RASA2: variants seen among roughly 807,000 people sequenced by gnomAD.
The protein encoded by RASA2 is ras GTPase-activating protein 2.
In RASA2, 155 loss-of-function variants were observed where a neutral mutation model predicts 118.2. That is an observed-to-expected ratio of 1.31 (90% CI 1.15 to 1.50). RASA2 has a LOEUF of 1.50. Ranked by LOEUF, RASA2 falls within the 40% of genes most tolerant of loss-of-function variation. The pLI is 0.00. For missense variants in RASA2, 1,016 were observed against 1,009.6 expected (o/e 1.01, Z -0.09); for synonymous variants, 353 against 349.1 (o/e 1.01, Z -0.12).
chr3:141,606,659 A>G (rs764376829), intron 19 of RASA2, among the ~76,000 whole-genome samples: 2 of 152,106 alleles, frequency 1.3e-5, no homozygotes, highest in African/African-American at 2.4e-5. Flanking sequence ...AATTACATAA[A>G]TTTTAGATTT....
chr3:141,584,187 C>T (rs565777234), intron 17 of RASA2, among the ~76,000 whole-genome samples: 174 of 151,816 alleles, frequency 1.1e-3, no homozygotes, highest in African/African-American at 3.9e-3. Context: ...AAAAATTAGC[C>T]GGGCATGGTG....
At chr3:141,545,529 A>G (rs999533229) in intron 5 of RASA2, among the ~76,000 whole-genome samples, 3 of 140,700 alleles carry the variant, frequency 2.1e-5, no homozygotes, top group Non-Finnish European at 3.0e-5. Flanking sequence ...CAGTGACACG[A>G]CCTCCACCTC....
chr3:141,571,041 T>G lies in RASA2; in HGVS notation c.993T>G (p.Thr331=), dbSNP rs1577757902. 6.2e-7 allele frequency: 1 copy of G among 1,603,136 alleles called. No individual in the cohort carries two copies. The highest frequency in any genetic ancestry group is 8.5e-7 in the Non-Finnish European group (1 of 1,177,196). Residue 331 remains threonine, a synonymous_variant, in exon 10 of 24, where the codon ACT becomes ACG. Coordinates refer to ENST00000286364, the MANE Select transcript of RASA2 (RefSeq NM_006506.5). ...CAGAGTACTATGGTCCTTTGAAAACTTTGCTGCTAAAATCACCAGATGTTC... is the reference window on the plus strand; with the variant it reads ...CAGAGTACTATGGTCCTTTGAAAACGTTGCTGCTAAAATCACCAGATGTTC... The part of the protein sequence containing the change: ...LPSEYYGPLK[T]LLLKSPDVQP...
intron 19 of RASA2, among the ~76,000 whole-genome samples, chr3:141,593,724 T>C (rs532331793): frequency 1.3e-5 from 2 of 152,276 alleles, no homozygotes; most frequent in South Asian, 4.1e-4. Flanking sequence ...CATCAAAATC[T>C]CAAAAGAGTG....
At chr3:141,493,092 C>T (rs750315681) in intron 1 of RASA2, among the ~76,000 whole-genome samples, 2 of 152,222 alleles carry the variant, frequency 1.3e-5, no homozygotes, top group Admixed American at 6.5e-5. Context: ...AAGTGTCACA[C>T]AGTTGATGGC....
At chr3:141,575,851 A>G (rs1054510375) in intron 14 of RASA2, among the ~76,000 whole-genome samples, 7 of 152,034 alleles carry the variant, frequency 4.6e-5, no homozygotes, top group South Asian at 2.1e-4. Flanking sequence ...CTGGAGTGCA[A>G]TGGCACAATC....
At chr3:141,527,294 T>C (rs550190891) in intron 3 of RASA2, among the ~76,000 whole-genome samples, 27 of 152,298 alleles carry the variant, frequency 1.8e-4, no homozygotes, top group East Asian at 5.8e-4. Context: ...CTAAAAATTA[T>C]GGAAATTGTA....
intron 1 of RASA2, among the ~76,000 whole-genome samples, chr3:141,488,576 T>C (rs2081605446): frequency 6.6e-6 from 1 of 152,196 alleles, no homozygotes; most frequent in South Asian, 2.1e-4. Context: ...TCTTAAGAGA[T>C]TACAGTTCTT....
rs2082372982 is a variant in RASA2 at position 141,539,255 on chromosome 3, T to TGCCTAGATTTTTAGTGGAAGATTTGC, written c.451-1277_451-1252dup. 1.3e-5 allele frequency among the ~76,000 whole-genome samples: 2 copies of TGCCTAGATTTTTAGTGGAAGATTTGC among 152,224 alleles called. 1 individual carries two copies. Among genetic ancestry groups the TGCCTAGATTTTTAGTGGAAGATTTGC allele is most frequent in the South Asian group, 4.1e-4 (2 of 4,832 alleles). On this transcript the variant is annotated intron_variant, in intron 4 of 23. Transcript: ENST00000286364. ...TTATATATGATTTTATGAATATTTG[T>TGCCTAGATTTTTAGTGGAAGATTTGC]GCCTAGATTTTTAGTGGAAGATTTG...
intron 17 of RASA2, among the ~76,000 whole-genome samples, chr3:141,584,330 C>CAAAAAAA: frequency 3.3e-5 from 2 of 60,668 alleles, no homozygotes; most frequent in Non-Finnish European, 6.5e-5. Flanking sequence ...AACTCCATCC[C>CAAAAAAA]AAAAAAAAAA....
chr3:141,488,253 G>T (rs998341056), intron 1 of RASA2, among the ~76,000 whole-genome samples: 3 of 151,622 alleles, frequency 2.0e-5, no homozygotes. Context: ...TTTTGCATTT[G>T]TCGAAAATTA....
At chr3:141,535,421 T>C (rs555725670) in intron 4 of RASA2, among the ~76,000 whole-genome samples, 1 of 152,354 alleles carries the variant, frequency 6.6e-6, no homozygotes, top group South Asian at 2.1e-4. Context: ...TAAAATTTAG[T>C]GTTTTGTGAT....
chr3:141,522,074 T>G (rs567883400), intron 3 of RASA2, among the ~76,000 whole-genome samples: 1 of 152,102 alleles, frequency 6.6e-6, no homozygotes, highest in African/African-American at 2.4e-5. Context: ...TGAGCATAGA[T>G]AGATTTTAGG....
chr3:141,580,069 GAA>G (rs1165547118), intron 15 of RASA2, among the ~76,000 whole-genome samples: 1,505 of 67,634 alleles, frequency 0.022, 11 homozygotes, highest in Middle Eastern at 0.048. Context: ...AAAAAAAAAA[GAA>G]AAAAAAAAAA....
chr3:141,563,538 A>C (rs1335754763), intron 9 of RASA2, among the ~76,000 whole-genome samples: 1 of 152,218 alleles, frequency 6.6e-6, no homozygotes, highest in Non-Finnish European at 1.5e-5. Context: ...CATCACATAT[A>C]TAAATGTTAT....
chr3:141,541,848 C>T (rs2082410037), intron 5 of RASA2, among the ~76,000 whole-genome samples: 1 of 150,584 alleles, frequency 6.6e-6, no homozygotes, highest in Non-Finnish European at 1.5e-5. Context: ...TTTGGATTTA[C>T]CTACTAAAAA....
intron 23 of RASA2, among the ~76,000 whole-genome samples, chr3:141,611,186 A>T (rs73871845): frequency 0.012 from 1,892 of 152,298 alleles, 42 homozygotes; most frequent in African/African-American, 0.043. Flanking sequence ...ACAGTTGGTT[A>T]ATTCAGCAGC....
chr3:141,502,861 C>T (rs762905210), intron 1 of RASA2, among the ~76,000 whole-genome samples: 2 of 152,156 alleles, frequency 1.3e-5, no homozygotes, highest in Non-Finnish European at 2.9e-5. Flanking sequence ...TACCCTTGTA[C>T]TTCAGGTAAC....
At chr3:141,573,262 G>A in intron 13 of RASA2, 41 bp downstream of exon 13, 2 of 1,510,020 alleles carry the variant, frequency 1.3e-6, no homozygotes, top group Non-Finnish European at 1.8e-6. Context: ...ATTAAAATTG[G>A]TCTTAATGGT....
Sources: allele counts gnomAD v4.1 joint callset (sites outside exome capture counted in the v4.1 genomes callset), GRCh38; gene constraint gnomAD v4.1.1; transcripts MANE v1.5; gene names NCBI Gene and HGNC (gene_info 2026-07-23, HGNC 2026-07-21).